AATF: variants seen among roughly 807,000 people sequenced by gnomAD.
AATF encodes protein AATF.
A neutral mutation model predicts 63.7 loss-of-function variants in AATF; 48 were observed. The observed-to-expected ratio is 0.75, with a 90% confidence interval of 0.60 to 0.96. The LOEUF (loss-of-function observed/expected upper bound fraction) is 0.96. Ranked by LOEUF, AATF falls within the 40% of genes least tolerant of loss-of-function variation. AATF has a pLI of 0.00. For missense variants in AATF, 639 were observed against 685.7 expected, an observed-to-expected ratio of 0.93 and a Z score of 0.76; for synonymous variants, 258 against 247.7, an observed-to-expected ratio of 1.04 and a Z score of -0.39.
At chr17:36,962,535 G>C (rs967607787) in intron 4 of AATF, among the ~76,000 whole-genome samples, 4 of 152,050 alleles carry the variant, frequency 2.6e-5, no homozygotes, top group African/African-American at 9.7e-5. Flanking sequence ...GGTTTCTTAG[G>C]AGTGAGAGTT....
intron 4 of AATF, among the ~76,000 whole-genome samples, chr17:36,965,158 G>T (rs1187083090): frequency 6.6e-6 from 1 of 152,106 alleles, no homozygotes; most frequent in Non-Finnish European, 1.5e-5. Context: ...ACAAATTACC[G>T]CAAGCTTGGT....
chr17:36,991,734 C>T (rs1253395576), intron 8 of AATF, among the ~76,000 whole-genome samples: 1 of 151,904 alleles, frequency 6.6e-6, no homozygotes, highest in East Asian at 1.9e-4. Context: ...TACAGGCGCC[C>T]GCCACCAGGC....
At chr17:37,016,136 C>T (rs1555652018) in intron 8 of AATF, among the ~76,000 whole-genome samples, 1 of 152,184 alleles carries the variant, frequency 6.6e-6, no homozygotes, top group Non-Finnish European at 1.5e-5. Context: ...GATAACTTCT[C>T]CATCTCCTTA....
chr17:37,002,631 C>T (rs2071309298), intron 8 of AATF, among the ~76,000 whole-genome samples: 2 of 150,232 alleles, frequency 1.3e-5, no homozygotes, highest in Admixed American at 1.3e-4. Context: ...AAGATAACGC[C>T]ACTGCAGTCC....
In AATF at chr17:36,953,202, T is replaced by G; in HGVS notation, c.600T>G (p.Asp200Glu). ...QGESEEDRAG[D>E]RNSEDDGVVM... ...AGAGTGAGGAAGACAGGGCTGGAGA[T>G]AGAAACAGTGAGGATGATGGTGTGG... The change falls in exon 3 of 12, where the codon GAT becomes GAG. Residue 200 changes from aspartate (D) to glutamate (E), a missense_variant. By Grantham distance (45) the Asp-to-Glu change is conservative (BLOSUM62 2). Coordinates refer to ENST00000619387, the MANE Select transcript of AATF (RefSeq NM_012138.4). The G allele has an allele frequency of 6.2e-7, 1 of 1,614,166 alleles. No homozygotes were observed. The highest frequency in any genetic ancestry group is 8.5e-7 in the Non-Finnish European group (1 of 1,180,022).
intron 8 of AATF, among the ~76,000 whole-genome samples, chr17:37,017,581 T>A (rs2071437937): frequency 6.6e-6 from 1 of 152,172 alleles, no homozygotes; most frequent in Admixed American, 6.5e-5. Context: ...ATGTTGGGAA[T>A]CAATCAGATA....
chr17:36,965,586 T>C (rs1174891413), intron 4 of AATF, among the ~76,000 whole-genome samples: 3 of 152,258 alleles, frequency 2.0e-5, no homozygotes, highest in Admixed American at 2.0e-4. Flanking sequence ...ATGTGCCTTA[T>C]TGTCTTCTAC....
intron 4 of AATF, among the ~76,000 whole-genome samples, chr17:36,968,254 C>CTTTTTTTTTTTTTTTTTTTTTTTTTTTTT (rs2071008404): frequency 1.4e-5 from 1 of 69,558 alleles, no homozygotes; most frequent in African/African-American, 6.4e-5. Flanking sequence ...TTTTCTTTTT[C>CTTTTTTTTTTTTTTTTTTTTTTTTTTTTT]TTTCTTTCCT....
At chr17:37,023,565 GAGTTTAAAAAGAGGCATTCTTTTTAAACA>G in intron 10 of AATF, among the ~76,000 whole-genome samples, 1 of 138,476 alleles carries the variant, frequency 7.2e-6, no homozygotes, top group African/African-American at 2.7e-5. Context: ...TTTTTAAACA[GAGTTTAAAAAGAGGCATTCTTTTTAAACA>G]GAGTTTAAAA....
chr17:36,975,873 T>G (rs2071076195), intron 4 of AATF, among the ~76,000 whole-genome samples: 1 of 152,240 alleles, frequency 6.6e-6, no homozygotes. Flanking sequence ...AAAAATTATT[T>G]TTATTAGTAA....
chr17:36,971,060 G>T (rs1284948710), intron 4 of AATF, among the ~76,000 whole-genome samples: 1 of 152,076 alleles, frequency 6.6e-6, no homozygotes, highest in East Asian at 1.9e-4. Flanking sequence ...ATCCATAAAA[G>T]AACAAATTGA....
At chr17:37,016,728 A>G (rs9912877) in intron 8 of AATF, among the ~76,000 whole-genome samples, 42,389 of 151,426 alleles carry the variant, frequency 0.28, 8,703 homozygotes, top group African/African-American at 0.59. Flanking sequence ...TTTTTTTAGC[A>G]ACTGTTTTGA....
intron 4 of AATF, among the ~76,000 whole-genome samples, chr17:36,972,470 C>A (rs1288353484): frequency 6.6e-6 from 1 of 152,092 alleles, no homozygotes; most frequent in African/African-American, 2.4e-5. Flanking sequence ...CATTTGTCAC[C>A]CAGCATTTCC....
chr17:36,990,899 AT>A, intron 8 of AATF, 42 bp downstream of exon 8: 1 of 1,390,726 alleles, frequency 7.2e-7, no homozygotes, highest in Admixed American at 2.5e-5. Flanking sequence ...ATGTTTTAGC[AT>A]TTTAAAGCAG....
intron 9 of AATF, among the ~76,000 whole-genome samples, chr17:37,019,609 G>A (rs939519622): frequency 1.3e-5 from 2 of 152,122 alleles, no homozygotes; most frequent in Non-Finnish European, 1.5e-5. Context: ...TTCATCCTGT[G>A]GTTGGAAAAT....
At chr17:36,954,098 C>G (rs1307306509) in intron 4 of AATF, among the ~76,000 whole-genome samples, 191 bp downstream of exon 4, 1 of 140,048 alleles carries the variant, frequency 7.1e-6, no homozygotes. Flanking sequence ...GACAGAGTCT[C>G]GCTCTGTTGC....
chr17:36,976,013 T>C (rs1320144688), intron 4 of AATF, among the ~76,000 whole-genome samples: 1 of 152,232 alleles, frequency 6.6e-6, no homozygotes, highest in East Asian at 1.9e-4. Flanking sequence ...TTTCCATCCA[T>C]GTGATGTGGG....
intron 11 of AATF, among the ~76,000 whole-genome samples, chr17:37,040,718 G>C (rs576712890): frequency 1.8e-4 from 26 of 145,206 alleles, no homozygotes; most frequent in African/African-American, 4.7e-4. Context: ...ACTTATTTGG[G>C]GGGGGGAACT....
chr17:36,981,545 G>A (rs1018131970), intron 4 of AATF, among the ~76,000 whole-genome samples: 2 of 151,394 alleles, frequency 1.3e-5, no homozygotes, highest in African/African-American at 4.9e-5. Flanking sequence ...CTGGGCTCAA[G>A]TGATCCTCCC....
Sources: allele counts gnomAD v4.1 joint callset (sites outside exome capture counted in the v4.1 genomes callset), GRCh38; gene constraint gnomAD v4.1.1; transcripts MANE v1.5; gene names NCBI Gene and HGNC (gene_info 2026-07-23, HGNC 2026-07-21).